Variants in GLT1D1 observed in about 807,000 individuals in gnomAD.
GLT1D1 encodes glycosyltransferase 1 domain-containing protein 1.
GLT1D1 carries 21 observed loss-of-function variants against 28.7 expected under a neutral mutation model. The ratio of observed to expected loss-of-function variants is 0.73; its 90% CI spans 0.52 to 1.05. GLT1D1 has a LOEUF of 1.05. Ranked by LOEUF, GLT1D1 falls within the 50% of genes least tolerant of loss-of-function variation. The pLI, the probability that GLT1D1 is intolerant of heterozygous loss-of-function variation, is 0.00. For synonymous variants in GLT1D1, 147 were observed against 124.8 expected (o/e 1.18, Z -1.19); for missense variants, 343 against 330.6 (o/e 1.04, Z -0.29).
At chr12:128,978,449 G>A (rs1030030136) in intron 7 of GLT1D1, among the ~76,000 whole-genome samples, 1 of 152,172 alleles carries the variant, frequency 6.6e-6, no homozygotes, top group African/African-American at 2.4e-5. Context: ...ATCGTCCTGA[G>A]GTCGGTGGGA....
intron 7 of GLT1D1, among the ~76,000 whole-genome samples, chr12:128,959,494 G>A (rs2135519609): frequency 7.2e-6 from 1 of 139,256 alleles, no homozygotes; most frequent in East Asian, 2.3e-4. Context: ...GGCTGGCAGG[G>A]GGTGGGGGTG....
chr12:128,960,530 G>C (rs1343565358), intron 7 of GLT1D1, among the ~76,000 whole-genome samples: 3 of 152,102 alleles, frequency 2.0e-5, no homozygotes, highest in Non-Finnish European at 4.4e-5. Context: ...AGCTGAGGTG[G>C]GTGGATTGCC....
intron 3 of GLT1D1, among the ~76,000 whole-genome samples, chr12:128,894,349 A>T (rs1869395604): frequency 6.6e-6 from 1 of 152,096 alleles, no homozygotes; most frequent in Non-Finnish European, 1.5e-5. Flanking sequence ...TGGAGGAAGA[A>T]TCTGCCATTT....
At chr12:128,954,235 C>A (rs1159310222) in intron 6 of GLT1D1, among the ~76,000 whole-genome samples, 2 of 151,902 alleles carry the variant, frequency 1.3e-5, no homozygotes, top group African/African-American at 4.8e-5. Flanking sequence ...CATTCTCCTG[C>A]CTCAGCCTCC....
At chr12:128,958,488 C>T (rs924116721) in intron 7 of GLT1D1, among the ~76,000 whole-genome samples, 1 of 151,430 alleles carries the variant, frequency 6.6e-6, no homozygotes, top group Non-Finnish European at 1.5e-5. Flanking sequence ...CGCCTGTAAT[C>T]CCAGCACTTT....
rs1160749571 is a variant in GLT1D1, at chr12:128,926,355, A to C, written c.376-18971A>C. ...TGAAAACATTCTGAACTCTTCTCTT[A>C]CAGAGATTAACCAAAGTGCTGATAA... On this transcript the variant is annotated intron_variant, in intron 4 of 7. Coordinates refer to ENST00000281703, the MANE Select transcript of GLT1D1 (RefSeq NM_144669.3). The C allele has an allele frequency of 4.1e-6, 6 of 1,466,362 alleles. No individual in the cohort carries two copies. The highest frequency in any genetic ancestry group is 2.8e-6 in the Non-Finnish European group (3 of 1,083,706). 90.8% of individuals were successfully genotyped at this position (1,466,362 alleles called of 1,614,324 possible). A position where few individuals can be genotyped will look rare whatever the true frequency, so the allele number is the denominator to read the frequency against.
chr12:128,981,943 T>G (rs543822542), intron 7 of GLT1D1, among the ~76,000 whole-genome samples: 10 of 152,338 alleles, frequency 6.6e-5, no homozygotes, highest in African/African-American at 2.4e-4. Context: ...TCAAGAACTC[T>G]GCTGTTGACT....
intron 7 of GLT1D1, among the ~76,000 whole-genome samples, chr12:128,960,996 G>C (rs1011703126): frequency 6.6e-6 from 1 of 152,150 alleles, no homozygotes; most frequent in African/African-American, 2.4e-5. Context: ...AGTTCAACAG[G>C]TTAGATTGTA....
chr12:128,954,329 A>C (rs1877054901), intron 6 of GLT1D1, among the ~76,000 whole-genome samples: 5 of 140,796 alleles, frequency 3.6e-5, no homozygotes, highest in African/African-American at 7.9e-5. Context: ...ATGGTGTTTC[A>C]CCATGTTAGC....
intron 1 of GLT1D1, among the ~76,000 whole-genome samples, chr12:128,868,537 A>G (rs1294465446): frequency 6.6e-6 from 1 of 152,226 alleles, no homozygotes; most frequent in South Asian, 2.1e-4. Context: ...GTAGAGGACT[A>G]ACAGGTGTTG....
chr12:128,976,488 C>T (rs975844238), intron 7 of GLT1D1, among the ~76,000 whole-genome samples: 1 of 152,212 alleles, frequency 6.6e-6, no homozygotes, highest in Non-Finnish European at 1.5e-5. Flanking sequence ...TCTTTAACGA[C>T]GGCGGCCTGC....
intron 4 of GLT1D1, among the ~76,000 whole-genome samples, chr12:128,936,901 A>T (rs1414934294): frequency 6.6e-6 from 1 of 152,100 alleles, no homozygotes; most frequent in African/African-American, 2.4e-5. Context: ...TTTATCTTGC[A>T]CTTTGTTCCA....
chr12:128,980,539 G>A (rs1203721318), intron 7 of GLT1D1, among the ~76,000 whole-genome samples: 3 of 152,194 alleles, frequency 2.0e-5, no homozygotes, highest in Non-Finnish European at 4.4e-5. Flanking sequence ...TCTGGTGAGT[G>A]GCCTGGGGCC....
At chr12:128,927,673 A>G (rs1306191265) in intron 4 of GLT1D1, among the ~76,000 whole-genome samples, 2 of 152,154 alleles carry the variant, frequency 1.3e-5, no homozygotes, top group Admixed American at 6.5e-5. Context: ...ATTTATTGCT[A>G]CAAAGGATAA....
chr12:128,930,681 G>A (rs944858735), intron 4 of GLT1D1, among the ~76,000 whole-genome samples: 9 of 152,174 alleles, frequency 5.9e-5, no homozygotes, highest in African/African-American at 1.9e-4. Flanking sequence ...GGTACGGGGG[G>A]CAAACGCAGG....
chr12:128,931,469 G>C (rs550373896), intron 4 of GLT1D1, among the ~76,000 whole-genome samples: 2 of 151,090 alleles, frequency 1.3e-5, no homozygotes, highest in Non-Finnish European at 2.9e-5. Flanking sequence ...CACTACGTCC[G>C]GCAAATTTTG....
chr12:128,939,959 A>ATG (rs1491525761), intron 4 of GLT1D1, among the ~76,000 whole-genome samples: 25 of 145,158 alleles, frequency 1.7e-4, no homozygotes, highest in African/African-American at 6.5e-4. Context: ...CCCATTTTTA[A>ATG]TATATATATA....
intron 6 of GLT1D1, among the ~76,000 whole-genome samples, chr12:128,951,625 C>A (rs1033076272): frequency 3.9e-5 from 6 of 152,160 alleles, no homozygotes; most frequent in African/African-American, 1.4e-4. Flanking sequence ...GCCTGTGAGT[C>A]ATGCACGGTG....
chr12:128,857,407 C>T (rs747854947), intron 1 of GLT1D1, among the ~76,000 whole-genome samples: 29 of 152,200 alleles, frequency 1.9e-4, no homozygotes, highest in Non-Finnish European at 3.4e-4. Flanking sequence ...GCTATTCAGG[C>T]TTTGATGTTT....
Sources: allele counts gnomAD v4.1 joint callset (sites outside exome capture counted in the v4.1 genomes callset), GRCh38; gene constraint gnomAD v4.1.1; transcripts MANE v1.5; gene names NCBI Gene and HGNC (gene_info 2026-07-23, HGNC 2026-07-21).